LTBR: variants seen among roughly 807,000 people sequenced by gnomAD.
LTBR encodes tumor necrosis factor receptor superfamily member 3.
In LTBR, 15 loss-of-function variants were observed where a neutral mutation model predicts 45.4. That is an observed-to-expected ratio of 0.33 (90% confidence interval 0.22 to 0.51). The LOEUF (loss-of-function observed/expected upper bound fraction) is 0.51, where lower values mean the gene tolerates loss of function less well. Ranked by LOEUF, LTBR falls within the 20% of genes least tolerant of loss-of-function variation. The pLI is 0.97. For missense variants in LTBR, 450 were observed against 565.5 expected, an observed-to-expected ratio of 0.80 and a Z score of 2.07; for synonymous variants, 228 against 231.0, an observed-to-expected ratio of 0.99 and a Z score of 0.12.
upstream of LTBR, chr12:6,384,010 T>C (rs1053731889): frequency 8.7e-7 from 1 of 1,154,964 alleles, no homozygotes; most frequent in Admixed American, 4.7e-5. Context: ...AGGAGGCCGG[T>C]TCCGGCCCCG....
At position 6,391,515 on chromosome 12, in the gene LTBR, T is replaced by C. The variant is rs1434961241; in HGVS notation, c.*578T>C. The C allele has an allele frequency of 1.3e-5, 2 of 152,092 alleles. No individual in the cohort carries two copies. The highest frequency in any genetic ancestry group is 4.8e-5 in the African/African-American group (2 of 41,402). 9.4% of individuals were successfully genotyped at this position (152,092 alleles called of 1,614,324 possible). A position where few individuals can be genotyped will look rare whatever the true frequency, so the allele number is the denominator to read the frequency against. ...GAAGAGTTTTGGAAGGGGAGGAAAATGGCAAGTGTATTTATATTGTAACCA... is the reference window on the plus strand; with the variant it reads ...GAAGAGTTTTGGAAGGGGAGGAAAACGGCAAGTGTATTTATATTGTAACCA... On this transcript the variant is annotated 3_prime_UTR_variant, in exon 10 of 10. Coordinates refer to ENST00000228918, the MANE Select transcript of LTBR (RefSeq NM_002342.3).
rs374220510 is a variant in LTBR, at chr12:6,390,315, C to G, written c.1005C>G (p.Pro335=). The G allele has an allele frequency of 2.5e-6, 4 of 1,608,470 alleles. No individual in the cohort carries two copies. Among genetic ancestry groups the G allele is most frequent in the South Asian group, 2.2e-5 (2 of 90,838 alleles). ...TGACCAGGGAGCCGCAGTTGGAACCCGGGGAGCAGAGCCAGGTGGCCCACG... is the reference window on the plus strand; with the variant it reads ...TGACCAGGGAGCCGCAGTTGGAACCGGGGGAGCAGAGCCAGGTGGCCCACG... The part of the protein sequence containing the change: ...LDLTREPQLE[P]GEQSQVAHGT... Residue 335 remains proline, a synonymous_variant, in exon 9 of 10, where the codon CCC becomes CCG. Transcript: ENST00000228918.
At chr12:6,379,810 G>A (rs952621216), upstream of LTBR, among the ~76,000 whole-genome samples, 3 of 151,964 alleles carry the variant, frequency 2.0e-5, no homozygotes, top group African/African-American at 4.8e-5. Context: ...GTGCACGCCT[G>A]TAGTCCCAGC....
Position 6,385,222 on chromosome 12 carries a change from G to A in LTBR, c.320-5G>A. 1 of 1,614,014 alleles carries A rather than the reference G, an allele frequency of 6.2e-7. No individual in the cohort carries two copies. The highest frequency in any genetic ancestry group is 8.5e-7 in the Non-Finnish European group (1 of 1,180,018). On this transcript the variant is annotated splice_polypyrimidine_tract_variant and splice_region_variant and intron_variant, in intron 3 of 9. Transcript: ENST00000228918. ...CCTCCCTGAGCCCTCCCGTCTCCCC[G>A]CCAGTGATGGGCCTCGAGGAGATTG...
chr12:6,382,427 A>C (rs1184063299), upstream of LTBR, among the ~76,000 whole-genome samples: 2 of 152,220 alleles, frequency 1.3e-5, no homozygotes, highest in African/African-American at 4.8e-5. Flanking sequence ...CACAGTAAAA[A>C]GTAAAAAGAA....
rs1207575227 is a variant in LTBR at position 6,390,032 on chromosome 12, GAA to G, written c.802-78_802-77del. 3 of 846,540 alleles carry G rather than the reference GAA, an allele frequency of 3.5e-6. No individual in the cohort carries two copies. The African/African-American group carries it at 5.1e-5, about 14-fold the overall frequency. The allele number at this position is 846,540 out of a possible 1,614,324, so 52.4% of individuals were successfully genotyped here. ...AAGGAAAGAAAGAAAGAGAAAGAGAGAAAGAAGAGGGAGGGAGGGAGAGAGAA... is the reference window on the plus strand; with the variant it reads ...AAGGAAAGAAAGAAAGAGAAAGAGAGAGAAGAGGGAGGGAGGGAGAGAGAA... On this transcript the variant is annotated intron_variant, in intron 8 of 9. Coordinates refer to ENST00000228918, the MANE Select transcript of LTBR (RefSeq NM_002342.3).
At chr12:6,387,679 A>G (rs903573053) in intron 6 of LTBR, 17 of 274,594 alleles carry the variant, frequency 6.2e-5, no homozygotes, top group African/African-American at 3.9e-4. Context: ...GCTGACGGAC[A>G]CTGGAGGCTC....
chr12:6,376,546 C>T (rs1275496338), intron 1 of LTBR, among the ~76,000 whole-genome samples: 3 of 152,228 alleles, frequency 2.0e-5, no homozygotes, highest in South Asian at 2.1e-4. Context: ...GCATGGCACA[C>T]GCCTAGACAG....
chr12:6,380,815 G>A (rs1215453235), upstream of LTBR, among the ~76,000 whole-genome samples: 2 of 152,182 alleles, frequency 1.3e-5, no homozygotes, highest in Non-Finnish European at 2.9e-5. Context: ...AGGCCTGGGA[G>A]AAGAGTCCCA....
At chr12:6,382,859 A>G (rs1948997833), upstream of LTBR, among the ~76,000 whole-genome samples, 1 of 152,150 alleles carries the variant, frequency 6.6e-6, no homozygotes, top group South Asian at 2.1e-4. Context: ...CCCTCATCCC[A>G]AGGGAGACAT....
At chr12:6,389,006 A>C in intron 8 of LTBR, 181 bp downstream of exon 8, 1 of 639,162 alleles carries the variant, frequency 1.6e-6, no homozygotes. Context: ...GCAGTGAGCA[A>C]AACACAGTAC....
chr12:6,386,745 C>A lies in LTBR; in HGVS notation c.667+301C>A. 2 of 288,814 alleles carry A rather than the reference C, an allele frequency of 6.9e-6. No individual in the cohort carries two copies. Among genetic ancestry groups the A allele is most frequent in the Non-Finnish European group, 1.3e-5 (2 of 155,806 alleles). The allele number at this position is 288,814 out of a possible 1,614,324, so 17.9% of individuals were successfully genotyped here. A position where few individuals can be genotyped will look rare whatever the true frequency, so the allele number is the denominator to read the frequency against. On this transcript the variant is annotated intron_variant, in intron 6 of 9. Transcript: ENST00000228918. This position sits in a 1 kb window ranked among gnomAD's most constrained non-coding sequence, Gnocchi z 4.1. Reference sequence around the variant, plus strand: ...TTGGGCTTACCAACATTACACAATCCGTTTTTTTTTTTCACACAATCCATT... The same window carrying A: ...TTGGGCTTACCAACATTACACAATCAGTTTTTTTTTTTCACACAATCCATT...
Position 6,390,324 on chromosome 12 carries a change from G to C in LTBR, c.1014G>C (p.Gln338His), listed in dbSNP as rs368425660. Residue 338 changes from glutamine to histidine, a missense_variant, in exon 9 of 10, where the codon CAG becomes CAC. Transcript: ENST00000228918. ...AGCCGCAGTTGGAACCCGGGGAGCA[G>C]AGCCAGGTGGCCCACGGTGAGCCTG... ...TREPQLEPGE[Q>H]SQVAHGTNGI... is the part of the protein sequence containing the mutation. 39 of 1,604,768 alleles carry C rather than the reference G, an allele frequency of 2.4e-5. No homozygotes were observed. The highest frequency in any genetic ancestry group is 3.4e-5 in the Admixed American group (2 of 58,868).
At chr12:6,385,688 C>T (rs1022433384) in intron 4 of LTBR, 2 of 407,696 alleles carry the variant, frequency 4.9e-6, no homozygotes, top group African/African-American at 2.0e-5. Flanking sequence ...GGGCGGATCA[C>T]GAGGTCAGGA....
Position 6,390,190 on chromosome 12 carries a change from C to A in LTBR, c.880C>A (p.Leu294Met). ...ATACTTCCCTGACTTGGTACAGCCACTGCTACCCATTTCTGGAGATGTTTC... is the reference window on the plus strand; with the variant it reads ...ATACTTCCCTGACTTGGTACAGCCAATGCTACCCATTTCTGGAGATGTTTC... The part of the protein sequence containing the change: ...HPYFPDLVQP[L>M]LPISGDVSPV... The change falls in exon 9 of 10, where the codon CTG (leucine) becomes ATG (methionine). Residue 294 changes from leucine (L) to methionine (M), a missense_variant. Leu to Met is a conservative substitution (Grantham distance 15). Coordinates refer to ENST00000228918, the MANE Select transcript of LTBR (RefSeq NM_002342.3). 1 of 1,614,192 alleles carries A rather than the reference C, an allele frequency of 6.2e-7. No individual in the cohort carries two copies. The highest frequency in any genetic ancestry group is 8.5e-7 in the Non-Finnish European group (1 of 1,180,038).
At position 6,388,504 on chromosome 12, in the gene LTBR, G is replaced by A. The variant is rs1333839286; in HGVS notation, c.774G>A (p.Leu258=). The A allele has an allele frequency of 1.2e-6, 2 of 1,613,304 alleles. No homozygotes were observed. Among genetic ancestry groups the A allele is most frequent in the Admixed American group, 3.3e-5 (2 of 60,014 alleles). ...WKSHPSLCRK[L]GSLLKRRPQG... is the part of the protein sequence containing the mutation. ...GCCACCCTTCTCTCTGCAGGAAACTGGGTAGGAAAGGGTTGGATGCAGTGG... is the reference window on the plus strand; with the variant it reads ...GCCACCCTTCTCTCTGCAGGAAACTAGGTAGGAAAGGGTTGGATGCAGTGG... Residue 258 remains leucine, a splice_region_variant and synonymous_variant, in exon 7 of 10, where the codon CTG becomes CTA. Transcript: ENST00000228918. This position sits in a 1 kb window ranked among gnomAD's most constrained non-coding sequence, Gnocchi z 4.3.
chr12:6,381,393 C>T (rs1948983065), upstream of LTBR, among the ~76,000 whole-genome samples: 1 of 152,332 alleles, frequency 6.6e-6, no homozygotes, highest in South Asian at 2.1e-4. Flanking sequence ...CTTCACTCCT[C>T]CCATCCCACC....
Position 6,388,827 on chromosome 12 carries a change from T to C in LTBR, c.801+2T>C. On this transcript the variant is annotated splice_donor_variant, in intron 8 of 9. Coordinates refer to ENST00000228918, the MANE Select transcript of LTBR (RefSeq NM_002342.3). LOFTEE classifies it high-confidence loss of function. The surrounding 1 kb of genome is among the most constrained non-coding windows in gnomAD (Gnocchi z 4.3). ...TCGCTGCTCAAGAGGCGTCCGCAGG[T>C]AATGGCGGGGGCTGAGAAGGCAGCA... is the stretch of plus-strand genomic sequence containing the variant. The C allele has an allele frequency of 6.2e-7, 1 of 1,613,888 alleles. No homozygotes were observed. The highest frequency in any genetic ancestry group is 1.1e-5 in the South Asian group (1 of 91,064).
rs1027029691 is a variant in LTBR, at chr12:6,391,039, G to A, written c.*102G>A. On this transcript the variant is annotated 3_prime_UTR_variant, in exon 10 of 10. Coordinates refer to ENST00000228918, the MANE Select transcript of LTBR (RefSeq NM_002342.3). ...TCACAGGGGCCTGAGTAGGGCCCGG[G>A]GAAGCAGAGCCCTAAGGGATTAAGG... is the stretch of plus-strand genomic sequence containing the variant. 1.7e-5 allele frequency: 21 copies of A among 1,254,032 alleles called. No individual in the cohort carries two copies. The African/African-American group carries it at 3.2e-4, about 19-fold the overall frequency. The allele number at this position is 1,254,032 out of a possible 1,614,324, so 77.7% of individuals were successfully genotyped here.
Sources: gnomAD v4.1 joint callset for allele counts (sites outside exome capture counted in the v4.1 genomes callset) on GRCh38, gnomAD v4.1.1 for gene constraint, Gnocchi (gnomAD v3.1) non-coding constraint, MANE v1.5 for transcripts, NCBI Gene and HGNC (gene_info 2026-07-23, HGNC 2026-07-21) for gene names.